Variants in CADPS observed in about 807,000 individuals in gnomAD.
The protein encoded by CADPS is calcium-dependent secretion activator 1.
Under a neutral mutation model 167.3 loss-of-function variants are expected in CADPS, and 57 were observed. The observed-to-expected ratio is 0.34, with a 90% CI of 0.28 to 0.42. The LOEUF is 0.42. Among genes scored for constraint, CADPS ranks in the 20% least tolerant of loss-of-function variants. The pLI is 1.00. For synonymous variants in CADPS, 676 were observed against 635.3 expected (o/e 1.06, Z -0.96); for missense variants, 1,414 against 1,738.1 (o/e 0.81, Z 3.32).
At chr3:62,443,028 T>G (rs1300902671) in intron 27 of CADPS, among the ~76,000 whole-genome samples, 1 of 152,254 alleles carries the variant, frequency 6.6e-6, no homozygotes, top group South Asian at 2.1e-4. Flanking sequence ...CAACTTAACA[T>G]TTAGCTTTGT....
chr3:62,600,384 AC>A (rs2149051332), intron 6 of CADPS, among the ~76,000 whole-genome samples: 1 of 152,278 alleles, frequency 6.6e-6, no homozygotes, highest in South Asian at 2.1e-4. Flanking sequence ...CTTTTCAGCC[AC>A]AAGCACATAA....
At position 62,438,263 on chromosome 3, in the gene CADPS, C is replaced by T; in HGVS notation, c.3670-52G>A. The T allele has an allele frequency of 7.5e-7, 1 of 1,334,840 alleles. No individual in the cohort carries two copies. The highest frequency in any genetic ancestry group is 1.1e-6 in the Non-Finnish European group (1 of 927,820). The allele number at this position is 1,334,840 out of a possible 1,614,324, so 82.7% of individuals were successfully genotyped here. ...ACGAATTTTCAGACAGCCACTCTTC[C>T]TTGTTTACCATTCACTTGTACCCTC... On this transcript the variant is annotated intron_variant, in intron 27 of 29. Transcript: ENST00000383710. The surrounding 1 kb of genome is among the most constrained non-coding windows in gnomAD (Gnocchi z 4.7).
intron 1 of CADPS, among the ~76,000 whole-genome samples, chr3:62,771,618 A>T (rs1342273043): frequency 6.6e-6 from 1 of 152,216 alleles, no homozygotes; most frequent in Non-Finnish European, 1.5e-5. Flanking sequence ...ATAGAAGTCC[A>T]TCTAAAAGCA....
At chr3:62,425,097 A>T (rs1435867523) in intron 28 of CADPS, among the ~76,000 whole-genome samples, 1 of 152,190 alleles carries the variant, frequency 6.6e-6, no homozygotes, top group Non-Finnish European at 1.5e-5. Context: ...ATCTCTTCCC[A>T]TCTCTCCACA....
chr3:62,709,112 A>C (rs2082885891), intron 3 of CADPS, among the ~76,000 whole-genome samples: 2 of 152,120 alleles, frequency 1.3e-5, no homozygotes, highest in African/African-American at 4.8e-5. Context: ...TACTGGCTTC[A>C]TTTAGGGTAC....
Position 62,620,136 on chromosome 3 carries a change from G to A in CADPS, c.1325+25586C>T, listed in dbSNP as rs575567527. 8.5e-5 allele frequency among the ~76,000 whole-genome samples: 13 copies of A among 152,092 alleles called. No homozygotes were observed. The South Asian group carries it at 2.3e-3, about 27-fold the overall frequency. On this transcript the variant is annotated intron_variant, in intron 6 of 29. Transcript: ENST00000383710. ...TCATATCATTAGGTTTCATTTAACC[G>A]TATTGGAAAGAGAATCACTTAATTA... is the stretch of plus-strand genomic sequence containing the variant.
intron 26 of CADPS, among the ~76,000 whole-genome samples, chr3:62,452,336 ATAAAT>A (rs1297252295): frequency 6.8e-5 from 10 of 147,258 alleles, no homozygotes. Flanking sequence ...TTAAATTTAA[ATAAAT>A]TAAAAGAAAA....
rs375217648 is a variant in CADPS at position 62,726,157 on chromosome 3, G to A, written c.888+27284C>T. ...GATATTTTTGAAGCTCCATCCTTGG[G>A]TAATTGAAGGATGGAGGGATGAGTA... On this transcript the variant is annotated intron_variant, in intron 3 of 29. Coordinates refer to ENST00000383710, the MANE Select transcript of CADPS (RefSeq NM_003716.4). Among the ~76,000 whole-genome samples, 18 of 151,942 alleles carry A rather than the reference G, an allele frequency of 1.2e-4. No individual in the cohort carries two copies. The South Asian group carries it at 3.1e-3, about 26-fold the overall frequency.
intron 1 of CADPS, among the ~76,000 whole-genome samples, chr3:62,817,139 G>T (rs963705368): frequency 6.6e-6 from 1 of 152,142 alleles, no homozygotes; most frequent in African/African-American, 2.4e-5. Context: ...TCTATTACAT[G>T]AAGAATCAAA....
chr3:62,624,408 A>G (rs1395713533), intron 6 of CADPS, among the ~76,000 whole-genome samples: 1 of 152,160 alleles, frequency 6.6e-6, no homozygotes, highest in Non-Finnish European at 1.5e-5. Flanking sequence ...TGTTTCAGAA[A>G]AAAAGATGCC....
chr3:62,803,188 C>T (rs1360132371), intron 1 of CADPS, among the ~76,000 whole-genome samples: 2 of 152,082 alleles, frequency 1.3e-5, no homozygotes, highest in East Asian at 1.9e-4. Flanking sequence ...GGTAGATCCA[C>T]AAGATCAAGT....
intron 6 of CADPS, among the ~76,000 whole-genome samples, chr3:62,619,877 T>C (rs1304079284): frequency 6.6e-6 from 1 of 152,202 alleles, no homozygotes; most frequent in Non-Finnish European, 1.5e-5. Flanking sequence ...AGGTGCTTTG[T>C]TGGAGACCAT....
chr3:62,579,728 T>C (rs1477176270), intron 8 of CADPS, among the ~76,000 whole-genome samples: 2 of 152,180 alleles, frequency 1.3e-5, no homozygotes, highest in Non-Finnish European at 2.9e-5. Context: ...GTAGTCATGG[T>C]AACAACACTG....
chr3:62,496,559 C>A (rs1435954629), intron 18 of CADPS, among the ~76,000 whole-genome samples: 4 of 152,148 alleles, frequency 2.6e-5, no homozygotes, highest in African/African-American at 9.7e-5. Flanking sequence ...AACAAAAGAG[C>A]CAAGCTTTGT....
intron 13 of CADPS, among the ~76,000 whole-genome samples, chr3:62,532,534 A>G (rs2151976440): frequency 6.6e-6 from 1 of 152,312 alleles, no homozygotes; most frequent in Non-Finnish European, 1.5e-5. Context: ...GGGGTATACA[A>G]TCATCCCATT....
intron 3 of CADPS, among the ~76,000 whole-genome samples, chr3:62,732,785 T>C (rs515476): frequency 0.65 from 99,420 of 152,008 alleles, 34,362 homozygotes; most frequent in African/African-American, 0.89. Flanking sequence ...CCTGTGGTTG[T>C]AATGTCTTAT....
intron 1 of CADPS, among the ~76,000 whole-genome samples, chr3:62,867,067 T>C (rs769097520): frequency 1.3e-5 from 2 of 152,086 alleles, no homozygotes; most frequent in Non-Finnish European, 2.9e-5. Context: ...TAGAATTTAC[T>C]CTCTACACAA....
chr3:62,765,799 T>G, intron 2 of CADPS, 72 bp downstream of exon 2: 1 of 903,602 alleles, frequency 1.1e-6, no homozygotes. Context: ...CTGTCCCCAT[T>G]GCCCTGCAGC....
intron 13 of CADPS, 114 bp downstream of exon 13, chr3:62,532,757 G>A: frequency 2.7e-6 from 2 of 745,352 alleles, no homozygotes; most frequent in Non-Finnish European, 2.2e-6. Context: ...GTGTACGTGT[G>A]CACATACCAC....
Sources: gnomAD v4.1 joint callset for allele counts (sites outside exome capture counted in the v4.1 genomes callset) on GRCh38, gnomAD v4.1.1 for gene constraint, Gnocchi (gnomAD v3.1) non-coding constraint, MANE v1.5 for transcripts, NCBI Gene and HGNC (gene_info 2026-07-23, HGNC 2026-07-21) for gene names.